Variants in PCDHGB5 observed in about 807,000 individuals in gnomAD.
PCDHGB5 encodes protocadherin gamma subfamily B, 5.
PCDHGB5 carries 48 observed loss-of-function variants against 62.9 expected under a neutral mutation model. The observed-to-expected ratio is 0.76, with a 90% CI of 0.61 to 0.97. The LOEUF (loss-of-function observed/expected upper bound fraction) is 0.97, where lower values mean the gene tolerates loss of function less well. Ranked by LOEUF, PCDHGB5 falls within the 50% of genes least tolerant of loss-of-function variation. PCDHGB5 has a pLI of 0.00. For synonymous variants in PCDHGB5, 474 were observed against 511.2 expected (o/e 0.93, Z 0.98); for missense variants, 1,118 against 1,198.6 (o/e 0.93, Z 0.99).
At chr5:141,483,084 CA>C (rs898059463) in intron 1 of PCDHGB5, among the ~76,000 whole-genome samples, 4 of 150,440 alleles carry the variant, frequency 2.7e-5, no homozygotes, top group Middle Eastern at 3.4e-3. Flanking sequence ...GACTCCATCT[CA>C]AAAAAAAAGT....
In PCDHGB5 at chr5:141,511,345, TCC is replaced by T; in HGVS notation, c.*178_*179del. 1 of 1,410,484 alleles carries T rather than the reference TCC, an allele frequency of 7.1e-7. No homozygotes were observed. The highest frequency in any genetic ancestry group is 9.4e-7 in the Non-Finnish European group (1 of 1,060,658). The allele number at this position is 1,410,484 out of a possible 1,614,324, so 87.4% of individuals were successfully genotyped here. On this transcript the variant is annotated 3_prime_UTR_variant, in exon 4 of 4. Coordinates refer to ENST00000617380, the MANE Select transcript of PCDHGB5 (RefSeq NM_018925.3). ...AAGTGCCCAGTCAGCACCTACCCCT[TCC>T]CCCCCAGGGGGTTGAATATGCAAAA... is the stretch of plus-strand genomic sequence containing the variant.
At chr5:141,442,664 G>A (rs1289986124) in intron 1 of PCDHGB5, among the ~76,000 whole-genome samples, 2 of 152,342 alleles carry the variant, frequency 1.3e-5, no homozygotes, top group East Asian at 1.9e-4. Flanking sequence ...TATTTGGCAT[G>A]GTGAGCTTGA....
chr5:141,398,873 T>G lies in PCDHGB5; in HGVS notation c.746T>G (p.Val249Gly), dbSNP rs2093718804. 8 of 1,613,254 alleles carry G rather than the reference T, an allele frequency of 5.0e-6. No individual in the cohort carries two copies. The highest frequency in any genetic ancestry group is 6.8e-6 in the Non-Finnish European group (8 of 1,179,688). ...GTATTCAACCGAGACGTGTACAGAG[T>G]CAGCCTTCGGGAAAACGTGCCACCA... ...PPVFNRDVYRVSLRENVPPGT... is the reference protein window; with the variant it reads ...PPVFNRDVYRGSLRENVPPGT... Residue 249 changes from valine to glycine, a missense_variant, in exon 1 of 4, where the codon GTC becomes GGC. By Grantham distance (109) the Val-to-Gly change is moderately radical. This residue lies in a region of PCDHGB5 where 1,034 missense variants were observed against 1,029.1 expected (regional missense o/e 1.00). Transcript: ENST00000617380.
intron 1 of PCDHGB5, among the ~76,000 whole-genome samples, chr5:141,455,130 A>G (rs1446894125): frequency 6.6e-6 from 1 of 150,872 alleles, no homozygotes; most frequent in South Asian, 2.1e-4. Flanking sequence ...GTTTTAAATT[A>G]CACTGTGTTA....
At chr5:141,500,488 C>T (rs569168291) in intron 2 of PCDHGB5, among the ~76,000 whole-genome samples, 4 of 152,178 alleles carry the variant, frequency 2.6e-5, no homozygotes, top group South Asian at 2.1e-4. Flanking sequence ...GGATTACAGG[C>T]GTGAGCCACC....
At chr5:141,422,399 T>C in intron 1 of PCDHGB5, 3 of 1,598,374 alleles carry the variant, frequency 1.9e-6, no homozygotes, top group Non-Finnish European at 2.6e-6. Context: ...CCTAACCACC[T>C]GCCTTTTAAA....
At chr5:141,494,965 C>T in intron 2 of PCDHGB5, 100 bp downstream of exon 2, 1 of 1,592,636 alleles carries the variant, frequency 6.3e-7, no homozygotes, top group Non-Finnish European at 8.6e-7. Context: ...CTACAGATGG[C>T]TTCTCCCTCA....
intron 1 of PCDHGB5, chr5:141,415,888 T>C: frequency 1.1e-6 from 1 of 940,220 alleles, no homozygotes; most frequent in South Asian, 2.9e-5. Flanking sequence ...ATATTGACAA[T>C]TCCTAAGACA....
At chr5:141,475,583 G>A (rs1181419200) in intron 1 of PCDHGB5, among the ~76,000 whole-genome samples, 1 of 152,198 alleles carries the variant, frequency 6.6e-6, no homozygotes, top group Non-Finnish European at 1.5e-5. Context: ...CAGATTTGTT[G>A]GTGTTTTTCC....
Position 141,400,574 on chromosome 5 carries a change from T to A in PCDHGB5, c.2397+50T>A, listed in dbSNP as rs1589419530. On this transcript the variant is annotated intron_variant, in intron 1 of 3. Transcript: ENST00000617380. ...TTTTCATTACCCACCCAATTTTCTG[T>A]ATTTACATGAAACTATCGTACATTT... 3 of 1,612,232 alleles carry A rather than the reference T, an allele frequency of 1.9e-6. No individual in the cohort carries two copies. In the Middle Eastern group the frequency reaches 4.9e-4, roughly 266 times the overall value.
At chr5:141,478,788 T>A (rs576491824) in intron 1 of PCDHGB5, 147 of 1,473,736 alleles carry the variant, frequency 1.0e-4, no homozygotes, top group Non-Finnish European at 1.3e-4. Context: ...CTAATTCACA[T>A]CCTCAGCACT....
rs2099427481 is a variant in PCDHGB5 at position 141,477,973 on chromosome 5, T to A, written c.2398-16834T>A. On this transcript the variant is annotated intron_variant, in intron 1 of 3. Coordinates refer to ENST00000617380, the MANE Select transcript of PCDHGB5 (RefSeq NM_018925.3). The surrounding 1 kb of genome is among the most constrained non-coding windows in gnomAD (Gnocchi z 4.9). The stretch of plus-strand genomic sequence containing the variant: ...TGGGATCCCCTAACCAGAGCCTTTT[T>A]GCCATAGGGCTGCACACTGGTCAAA... 1 of 1,614,030 alleles carries A rather than the reference T, an allele frequency of 6.2e-7. No individual in the cohort carries two copies. The highest frequency in any genetic ancestry group is 8.5e-7 in the Non-Finnish European group (1 of 1,180,030).
chr5:141,502,655 C>T (rs72790073), intron 2 of PCDHGB5, among the ~76,000 whole-genome samples: 29,437 of 152,034 alleles, frequency 0.19, 2,877 homozygotes, highest in Middle Eastern at 0.24. Context: ...AGGCAGCAAC[C>T]CTTCATGCAA....
chr5:141,505,249 G>T, intron 2 of PCDHGB5, 144 bp from the exon 3 acceptor site: 1 of 1,447,748 alleles, frequency 6.9e-7, no homozygotes, highest in Non-Finnish European at 9.2e-7. Flanking sequence ...GATTGTAGAA[G>T]TGCCTCCTAC....
rs777710801 is a variant in PCDHGB5, at chr5:141,400,340, A to G, written c.2213A>G (p.Asn738Ser). Residue 738 changes from asparagine to serine, a missense_variant, in exon 1 of 4, where the codon AAC (asparagine) becomes AGC (serine). Asn to Ser is a conservative substitution (Grantham distance 46). Around this residue, in one of 2 missense-constraint regions of PCDHGB5, gnomAD observed 1,034 missense variants for 1,029.1 expected, o/e 1.00. Transcript: ENST00000617380. ...AAGTCTGGACCTGTGGTTCCCCCCA[A>G]CTACAGTCAGGGGACTTTGCCTTAT... The part of the protein sequence containing the change: ...CVKSGPVVPP[N>S]YSQGTLPYSY... The G allele has an allele frequency of 5.0e-6, 8 of 1,613,856 alleles. No homozygotes were observed. The highest frequency in any genetic ancestry group is 1.3e-5 in the African/African-American group (1 of 74,922).
Position 141,478,910 on chromosome 5 carries a change from A to G in PCDHGB5, c.2398-15897A>G, listed in dbSNP as rs568573298. On this transcript the variant is annotated intron_variant, in intron 1 of 3. Transcript: ENST00000617380. ...ATTTACATTAGGAATAAGCTGCTGG[A>G]TACCTCTAACCAGTGGCAGCTTCTA... 5.3e-4 allele frequency: 474 copies of G among 893,806 alleles called. 7 individuals are homozygous for G. The South Asian group carries it at 6.8e-3, about 13-fold the overall frequency. 55.4% of individuals were successfully genotyped at this position (893,806 alleles called of 1,614,324 possible).
Position 141,489,351 on chromosome 5 carries a change from G to A in PCDHGB5, c.2398-5456G>A, listed in dbSNP as rs2099685862. ...GGCAGCTTCGTTACTCAGTGGTGGAGGAGTCTGAGCCGGGGACGCTGGTGG... is the reference window on the plus strand; with the variant it reads ...GGCAGCTTCGTTACTCAGTGGTGGAAGAGTCTGAGCCGGGGACGCTGGTGG... On this transcript the variant is annotated intron_variant, in intron 1 of 3. Transcript: ENST00000617380. This position sits in a 1 kb window ranked among gnomAD's most constrained non-coding sequence, Gnocchi z 4.5. The A allele has an allele frequency of 6.2e-7, 1 of 1,612,202 alleles. No individual in the cohort carries two copies. The highest frequency in any genetic ancestry group is 1.3e-5 in the African/African-American group (1 of 75,006).
intron 1 of PCDHGB5, chr5:141,478,182 AT>A: frequency 6.2e-7 from 1 of 1,613,984 alleles, no homozygotes. Context: ...CAGAAAAAAA[AT>A]CTCACCTTTT....
At chr5:141,484,891 C>T in intron 1 of PCDHGB5, 1 of 361,788 alleles carries the variant, frequency 2.8e-6, no homozygotes, top group Non-Finnish European at 5.0e-6. Context: ...GGGCTTTTTC[C>T]CCTCCAATGC....
Sources: gnomAD v4.1 joint callset for allele counts (sites outside exome capture counted in the v4.1 genomes callset) on GRCh38, gnomAD v4.1.1 for gene constraint, gnomAD v4.1.1 regional missense constraint, Gnocchi (gnomAD v3.1) non-coding constraint, MANE v1.5 for transcripts, NCBI Gene and HGNC (gene_info 2026-07-23, HGNC 2026-07-21) for gene names.